Variants in RIC8A observed in about 807,000 individuals in gnomAD.
The protein encoded by RIC8A is chaperone Ric-8A.
In RIC8A, 37 loss-of-function variants were observed where a neutral mutation model predicts 48.4. The ratio of observed to expected loss-of-function variants is 0.77; its 90% confidence interval spans 0.59 to 1.01. The LOEUF (loss-of-function observed/expected upper bound fraction) is 1.01, where lower values mean the gene tolerates loss of function less well. RIC8A is among the 50% of genes least tolerant of loss of function. RIC8A has a pLI of 0.00. For missense variants in RIC8A, 681 were observed against 696.8 expected (o/e 0.98, Z 0.25); for synonymous variants, 288 against 283.4 (o/e 1.02, Z -0.16).
In RIC8A at chr11:214,501, T is replaced by TGTTCCTGTCCTGTCTTCA; in HGVS notation, c.*151_*152insGTTCCTGTCCTGTCTTCA. The TGTTCCTGTCCTGTCTTCA allele has an allele frequency of 3.2e-6, 3 of 950,188 alleles. No homozygotes were observed. Among genetic ancestry groups the TGTTCCTGTCCTGTCTTCA allele is most frequent in the Non-Finnish European group, 4.9e-6 (3 of 611,848 alleles). The allele number at this position is 950,188 out of a possible 1,614,324, so 58.9% of individuals were successfully genotyped here. A position where few individuals can be genotyped will look rare whatever the true frequency, so the allele number is the denominator to read the frequency against. Reference sequence around the variant, plus strand: ...CCCCTTCTCTTGACTCCCGTTCTGTTCATGATTTGCCTCTGGTCCAGTTTC... The same window carrying TGTTCCTGTCCTGTCTTCA: ...CCCCTTCTCTTGACTCCCGTTCTGTTGTTCCTGTCCTGTCTTCACATGATTTGCCTCTGGTCCAGTTTC... On this transcript the variant is annotated 3_prime_UTR_variant, in exon 10 of 10. Transcript: ENST00000526104.
chr11:208,606 T>G lies in RIC8A; in HGVS notation c.-249T>G. 2.5e-6 allele frequency: 1 copy of G among 400,260 alleles called. No homozygotes were observed. Among genetic ancestry groups the G allele is most frequent in the Non-Finnish European group, 4.4e-6 (1 of 225,864 alleles). The allele number at this position is 400,260 out of a possible 1,614,324, so 24.8% of individuals were successfully genotyped here. On this transcript the variant is annotated 5_prime_UTR_variant, in exon 1 of 10. Coordinates refer to ENST00000526104, the MANE Select transcript of RIC8A (RefSeq NM_001286134.2). The surrounding 1 kb of genome is among the most constrained non-coding windows in gnomAD (Gnocchi z 4.8). ...GAAGCGCGGGTCACAAGGAGAGGGG[T>G]CAGTTCGGTTCAGAGCGACTCAGCC...
Position 212,624 on chromosome 11 carries a change from C to A in RIC8A, c.1075C>A (p.Pro359Thr). The change falls in exon 7 of 10, where the codon CCT (proline) becomes ACT (threonine). Residue 359 changes from proline (P) to threonine (T), a missense_variant. Pro to Thr is a conservative substitution (Grantham distance 38, BLOSUM62 -1). Coordinates refer to ENST00000526104, the MANE Select transcript of RIC8A (RefSeq NM_001286134.2). ...ATGGCCACCTCCCCAGGTGCTGCCCCCTCTGCGGGATGTGAGGACACGGCC... is the reference window on the plus strand; with the variant it reads ...ATGGCCACCTCCCCAGGTGCTGCCCACTCTGCGGGATGTGAGGACACGGCC... ...RKFLKAQVLP[P>T]LRDVRTRPEV... 6.2e-7 allele frequency: 1 copy of A among 1,614,000 alleles called. No homozygotes were observed. The highest frequency in any genetic ancestry group is 8.5e-7 in the Non-Finnish European group (1 of 1,179,986).
Position 214,571 on chromosome 11 carries a change from C to T in RIC8A, c.*221C>T, listed in dbSNP as rs1855481142. On this transcript the variant is annotated 3_prime_UTR_variant, in exon 10 of 10. Coordinates refer to ENST00000526104, the MANE Select transcript of RIC8A (RefSeq NM_001286134.2). ...GTCTTCTTGTGCTAGAACTCAGGCT[C>T]AGCCTCGAATTCCACAGACGAAGTA... 1 of 649,058 alleles carries T rather than the reference C, an allele frequency of 1.5e-6. No individual in the cohort carries two copies. The highest frequency in any genetic ancestry group is 2.3e-5 in the Admixed American group (1 of 43,946). 40.2% of individuals were successfully genotyped at this position (649,058 alleles called of 1,614,324 possible).
chr11:212,728 C>T lies in RIC8A; in HGVS notation c.1179C>T (p.Ala393=), dbSNP rs1308273736. The change falls in exon 7 of 10, where the codon GCC becomes GCT. Residue 393 remains alanine (A), a synonymous_variant. Coordinates refer to ENST00000526104, the MANE Select transcript of RIC8A (RefSeq NM_001286134.2). ...ACACAGATGTGAAGAGGGTGGCTGCCGAGTTCTTGTTTGTCCTGTGCTCTG... is the reference window on the plus strand; with the variant it reads ...ACACAGATGTGAAGAGGGTGGCTGCTGAGTTCTTGTTTGTCCTGTGCTCTG... ...HLDTDVKRVA[A]EFLFVLCSES... 6 of 1,614,068 alleles carry T rather than the reference C, an allele frequency of 3.7e-6. No homozygotes were observed. The highest frequency in any genetic ancestry group is 2.2e-5 in the South Asian group (2 of 91,076).
rs762050099 is a variant in RIC8A, at chr11:214,298, G to T, written c.1544G>T (p.Cys515Phe). 2.4e-5 allele frequency: 39 copies of T among 1,613,168 alleles called. No individual in the cohort carries two copies. Among genetic ancestry groups the T allele is most frequent in the Non-Finnish European group, 3.1e-5 (37 of 1,179,698 alleles). Reference protein sequence around the residue: ...GHLTSLQDAMCETMEQQLSSD... With the variant: ...GHLTSLQDAMFETMEQQLSSD... ...CTTACGTCCCTGCAGGATGCCATGT[G>T]CGAGACTATGGAGCAGCAGCTCTCC... Residue 515 changes from cysteine (C) to phenylalanine (F), a missense_variant, in exon 10 of 10, where the codon TGC becomes TTC. Transcript: ENST00000526104.
Position 213,280 on chromosome 11 carries a change from T to C in RIC8A, c.1356-19T>C, listed in dbSNP as rs751509664. ...AGAGTCACTAATGCATTCCCCACAT[T>C]CCACCCACTGGGAAACAGCATAAAC... On this transcript the variant is annotated intron_variant, in intron 8 of 9. Transcript: ENST00000526104. 9 of 1,613,728 alleles carry C rather than the reference T, an allele frequency of 5.6e-6. No homozygotes were observed. In the South Asian group the frequency reaches 9.9e-5, roughly 18 times the overall value.
Position 212,719 on chromosome 11 carries a change from G to T in RIC8A, c.1170G>T (p.Arg390Ser), listed in dbSNP as rs1352418290. 7 of 1,614,084 alleles carry T rather than the reference G, an allele frequency of 4.3e-6. No homozygotes were observed. The highest frequency in any genetic ancestry group is 5.9e-6 in the Non-Finnish European group (7 of 1,180,030). ...CACACCTGGACACAGATGTGAAGAG[G>T]GTGGCTGCCGAGTTCTTGTTTGTCC... is the stretch of plus-strand genomic sequence containing the variant. ...LMTHLDTDVK[R>S]VAAEFLFVLC... The change falls in exon 7 of 10, where the codon AGG becomes AGT. Residue 390 changes from arginine (R) to serine (S), a missense_variant. Arg to Ser is a moderately radical substitution (Grantham distance 110). Transcript: ENST00000526104.
In RIC8A at chr11:214,385, G is replaced by A. The variant is rs1855473519; in HGVS notation, c.*35G>A. 3 of 1,562,788 alleles carry A rather than the reference G, an allele frequency of 1.9e-6. No homozygotes were observed. The highest frequency in any genetic ancestry group is 2.7e-5 in the African/African-American group (2 of 73,954). On this transcript the variant is annotated 3_prime_UTR_variant, in exon 10 of 10. Coordinates refer to ENST00000526104, the MANE Select transcript of RIC8A (RefSeq NM_001286134.2). ...CTCTTCTGCTCCCCCATCAGGACTG[G>A]TGCTGCTTCCAGAGACTTCCTTGGG...
chr11:209,653 A>C lies in RIC8A; in HGVS notation c.379A>C (p.Ser127Arg). 6.2e-7 allele frequency: 1 copy of C among 1,614,030 alleles called. No individual in the cohort carries two copies. The highest frequency in any genetic ancestry group is 2.2e-5 in the East Asian group (1 of 44,884). ...SLKCLCNLVLSSPVAQMLAAE... is the reference protein window; with the variant it reads ...SLKCLCNLVLRSPVAQMLAAE... ...CAAGTGCCTGTGCAACCTCGTGCTC[A>C]GCAGCCCTGTGGCACAGATGCTGGC... The change falls in exon 3 of 10, where the codon AGC (serine) becomes CGC (arginine). Residue 127 changes from serine to arginine, a missense_variant. Transcript: ENST00000526104.
intron 9 of RIC8A, 121 bp downstream of exon 9, chr11:213,539 A>T: frequency 1.5e-6 from 2 of 1,372,318 alleles, no homozygotes; most frequent in Non-Finnish European, 2.0e-6. Flanking sequence ...ATTAGGTTGC[A>T]TTGCTCACGT....
At position 211,391 on chromosome 11, in the gene RIC8A, G is replaced by A. The variant is rs1466494815; in HGVS notation, c.969+42G>A. 3.8e-6 allele frequency: 6 copies of A among 1,592,742 alleles called. No individual in the cohort carries two copies. Among genetic ancestry groups the A allele is most frequent in the Non-Finnish European group, 5.1e-6 (6 of 1,167,586 alleles). On this transcript the variant is annotated intron_variant, in intron 5 of 9. Coordinates refer to ENST00000526104, the MANE Select transcript of RIC8A (RefSeq NM_001286134.2). The surrounding 1 kb of genome is among the most constrained non-coding windows in gnomAD (Gnocchi z 4.0). ...TGTGCAGGCTCCCCCAGTGGCTCTGGCACTGGTTCTCCTGCACAGATGTGG... is the reference window on the plus strand; with the variant it reads ...TGTGCAGGCTCCCCCAGTGGCTCTGACACTGGTTCTCCTGCACAGATGTGG...
Position 211,008 on chromosome 11 carries a change from AG to A in RIC8A, c.819-187del. ...TGTGTCTCAGTGCCCCCACTTCCCCAGGGGACCCCACTGTACAGCTGAGTGG... is the reference window on the plus strand; with the variant it reads ...TGTGTCTCAGTGCCCCCACTTCCCCAGGGACCCCACTGTACAGCTGAGTGG... On this transcript the variant is annotated intron_variant, in intron 4 of 9. Transcript: ENST00000526104. The surrounding 1 kb of genome is among the most constrained non-coding windows in gnomAD (Gnocchi z 4.0). 1.6e-6 allele frequency: 1 copy of A among 637,074 alleles called. No individual in the cohort carries two copies. Among genetic ancestry groups the A allele is most frequent in the Non-Finnish European group, 2.7e-6 (1 of 367,798 alleles). 39.5% of individuals were successfully genotyped at this position (637,074 alleles called of 1,614,324 possible). A position where few individuals can be genotyped will look rare whatever the true frequency, so the allele number is the denominator to read the frequency against.
Position 211,043 on chromosome 11 carries a change from C to CT in RIC8A, c.819-155dup. 1 of 755,026 alleles carries CT rather than the reference C, an allele frequency of 1.3e-6. No homozygotes were observed. Among genetic ancestry groups the CT allele is most frequent in the Non-Finnish European group, 2.1e-6 (1 of 466,452 alleles). 46.8% of individuals were successfully genotyped at this position (755,026 alleles called of 1,614,324 possible). A position where few individuals can be genotyped will look rare whatever the true frequency, so the allele number is the denominator to read the frequency against. ...ACTGTACAGCTGAGTGGCAGTGCCT[C>CT]TCAGATCAGTCCCTGCCCTTGGCTT... On this transcript the variant is annotated intron_variant, in intron 4 of 9. Coordinates refer to ENST00000526104, the MANE Select transcript of RIC8A (RefSeq NM_001286134.2). The surrounding 1 kb of genome is among the most constrained non-coding windows in gnomAD (Gnocchi z 4.0).
chr11:211,153 C>A lies in RIC8A; in HGVS notation c.819-46C>A. The A allele has an allele frequency of 1.3e-6, 2 of 1,573,608 alleles. No homozygotes were observed. Among genetic ancestry groups the A allele is most frequent in the South Asian group, 1.2e-5 (1 of 85,692 alleles). ...CGGAGTCACAAAGATTGCACCTGTGCTCAGGGATTAGCCCTGTTGAAACCC... is the reference window on the plus strand; with the variant it reads ...CGGAGTCACAAAGATTGCACCTGTGATCAGGGATTAGCCCTGTTGAAACCC... On this transcript the variant is annotated intron_variant, in intron 4 of 9. Transcript: ENST00000526104. The surrounding 1 kb of genome is among the most constrained non-coding windows in gnomAD (Gnocchi z 4.0).
chr11:211,352 A>G lies in RIC8A; in HGVS notation c.969+3A>G. ...TCCTAGAGAAGCGTTTGCACAAGGT[A>G]GGCTGGGGATGGCTGTGCAGGCTCC... On this transcript the variant is annotated splice_donor_region_variant and intron_variant, in intron 5 of 9. Transcript: ENST00000526104. The surrounding 1 kb of genome is among the most constrained non-coding windows in gnomAD (Gnocchi z 4.0). 1 of 1,612,666 alleles carries G rather than the reference A, an allele frequency of 6.2e-7. No individual in the cohort carries two copies. Among genetic ancestry groups the G allele is most frequent in the Non-Finnish European group, 8.5e-7 (1 of 1,179,188 alleles).
intron 8 of RIC8A, 88 bp from the exon 9 acceptor site, chr11:213,211 A>C: frequency 6.4e-7 from 1 of 1,570,246 alleles, no homozygotes; most frequent in Non-Finnish European, 8.7e-7. Flanking sequence ...TGCCTTGCCC[A>C]CCTCACCCCA....
intron 9 of RIC8A, chr11:213,846 T>A: frequency 4.0e-6 from 1 of 250,446 alleles, no homozygotes; most frequent in Non-Finnish European, 7.8e-6. Context: ...GCTCGGGAGG[T>A]TGAGGCAGGG....
intron 9 of RIC8A, chr11:213,916 C>T (rs1414933461): frequency 2.8e-6 from 1 of 351,316 alleles, no homozygotes; most frequent in African/African-American, 2.2e-5. Flanking sequence ...CACCGCACTC[C>T]AGCCTGGCAA....
chr11:213,156 G>A (rs971072416), intron 8 of RIC8A, 143 bp from the exon 9 acceptor site: 4 of 1,386,788 alleles, frequency 2.9e-6, no homozygotes, highest in South Asian at 2.9e-5. Context: ...GATGGCAGGA[G>A]CTGGTTACCT....
Sources: allele counts gnomAD v4.1 joint callset, GRCh38; gene constraint gnomAD v4.1.1; non-coding constraint Gnocchi (gnomAD v3.1); transcripts MANE v1.5; gene names NCBI Gene and HGNC (gene_info 2026-07-23, HGNC 2026-07-21).